Variants in CHCHD3 observed in about 807,000 individuals in gnomAD.
CHCHD3 encodes the protein coiled-coil-helix-coiled-coil-helix domain containing 3, also known as MICOS complex subunit MIC19.
CHCHD3 carries 20 observed loss-of-function variants against 38.2 expected under a neutral mutation model. The observed-to-expected ratio is 0.52, with a 90% CI of 0.37 to 0.76. The LOEUF (loss-of-function observed/expected upper bound fraction) is 0.76, where lower values mean the gene tolerates loss of function less well. Ranked by LOEUF, CHCHD3 falls within the 30% of genes least tolerant of loss-of-function variation. The pLI is 0.00. For synonymous variants in CHCHD3, 82 were observed against 100.0 expected, an observed-to-expected ratio of 0.82 and a Z score of 1.07; for missense variants, 245 against 279.2, an observed-to-expected ratio of 0.88 and a Z score of 0.87.
At position 133,034,950 on chromosome 7, in the gene CHCHD3, G is replaced by A. The variant is rs751172341; in HGVS notation, c.170-10323C>T. On this transcript the variant is annotated intron_variant, in intron 2 of 7. Coordinates refer to ENST00000262570, the MANE Select transcript of CHCHD3 (RefSeq NM_017812.4). ...GAGTTCTTCAGGGAAGCGATACTCT[G>A]AGTACCACAGGGACCAGCCGTCCTT... 9 of 1,601,094 alleles carry A rather than the reference G, an allele frequency of 5.6e-6. No individual in the cohort carries two copies. The African/African-American group carries it at 9.4e-5, about 17-fold the overall frequency.
At chr7:133,010,153 G>C (rs1287597939) in intron 3 of CHCHD3, among the ~76,000 whole-genome samples, 1 of 152,200 alleles carries the variant, frequency 6.6e-6, no homozygotes, top group Non-Finnish European at 1.5e-5. Flanking sequence ...CCTGTTGTCA[G>C]GTCAAGGTAC....
intron 5 of CHCHD3, among the ~76,000 whole-genome samples, chr7:132,876,703 G>C (rs1808923452): frequency 6.6e-6 from 1 of 152,160 alleles, no homozygotes. Context: ...TCACTGCAAA[G>C]CACAGTAGTC....
chr7:132,789,409 C>T (rs552361570), intron 7 of CHCHD3, among the ~76,000 whole-genome samples: 1 of 152,298 alleles, frequency 6.6e-6, no homozygotes, highest in South Asian at 2.1e-4. Context: ...GAACACTGCT[C>T]TTTTCCCAAG....
chr7:133,029,951 T>G (rs1309499324), intron 2 of CHCHD3, among the ~76,000 whole-genome samples: 2 of 152,010 alleles, frequency 1.3e-5, no homozygotes, highest in Non-Finnish European at 2.9e-5. Flanking sequence ...ACATCACTTT[T>G]GGTCCATAAA....
At chr7:132,965,065 G>GTGTGTGTGTA (rs1811424900) in intron 4 of CHCHD3, among the ~76,000 whole-genome samples, 1 of 146,954 alleles carries the variant, frequency 6.8e-6, no homozygotes, top group Admixed American at 6.6e-5. Flanking sequence ...TTTTATGTGT[G>GTGTGTGTGTA]TGTGTGTGTG....
At position 132,802,765 on chromosome 7, in the gene CHCHD3, T is replaced by C. The variant is rs1806824849; in HGVS notation, c.525-6188A>G. Among the ~76,000 whole-genome samples the C allele has an allele frequency of 2.6e-5, 4 of 152,330 alleles. No homozygotes were observed. The South Asian group carries it at 6.2e-4, about 24-fold the overall frequency. On this transcript the variant is annotated intron_variant, in intron 6 of 7. Transcript: ENST00000262570. ...GAGTTTGGTGACTCAACATAACTGATGGCAACATGAACTCAATCTGGAAGG... is the reference window on the plus strand; with the variant it reads ...GAGTTTGGTGACTCAACATAACTGACGGCAACATGAACTCAATCTGGAAGG...
chr7:132,902,845 G>A (rs538827214), intron 4 of CHCHD3, among the ~76,000 whole-genome samples: 1 of 152,150 alleles, frequency 6.6e-6, no homozygotes, highest in East Asian at 1.9e-4. Context: ...AATAAAAAAA[G>A]ACTTAGCTTG....
intron 2 of CHCHD3, among the ~76,000 whole-genome samples, chr7:133,033,883 G>A (rs958407468): frequency 1.3e-5 from 2 of 151,996 alleles, no homozygotes; most frequent in Non-Finnish European, 2.9e-5. Flanking sequence ...AGGGATGAGG[G>A]CTCCATTATT....
chr7:133,002,023 C>T (rs1812587818), intron 3 of CHCHD3, among the ~76,000 whole-genome samples: 2 of 152,080 alleles, frequency 1.3e-5, no homozygotes, highest in Non-Finnish European at 2.9e-5. Context: ...CTCCACCTGA[C>T]AGAGGAGGTA....
At chr7:132,975,919 T>C (rs1718779185) in intron 3 of CHCHD3, among the ~76,000 whole-genome samples, 1 of 108,226 alleles carries the variant, frequency 9.2e-6, no homozygotes, top group Non-Finnish European at 1.9e-5. Flanking sequence ...CGAATGAGAC[T>C]CCGTTTAAAA....
intron 4 of CHCHD3, among the ~76,000 whole-genome samples, chr7:132,899,325 A>G (rs1285380733): frequency 6.6e-6 from 1 of 152,166 alleles, no homozygotes; most frequent in East Asian, 1.9e-4. Flanking sequence ...CAGCTCTGGG[A>G]AAATCTTAGC....
intron 2 of CHCHD3, among the ~76,000 whole-genome samples, chr7:133,062,047 G>A (rs1814533556): frequency 6.6e-6 from 1 of 152,120 alleles, no homozygotes; most frequent in Non-Finnish European, 1.5e-5. Context: ...AGGGAGGCAG[G>A]AGAGGGTAAA....
At chr7:133,012,970 G>A (rs1191986521) in intron 3 of CHCHD3, among the ~76,000 whole-genome samples, 1 of 151,786 alleles carries the variant, frequency 6.6e-6, no homozygotes, top group Non-Finnish European at 1.5e-5. Flanking sequence ...TGGATCACCT[G>A]GGGTCAGGAG....
chr7:132,891,411 C>A (rs1809356633), intron 4 of CHCHD3, among the ~76,000 whole-genome samples: 1 of 152,154 alleles, frequency 6.6e-6, no homozygotes, highest in Non-Finnish European at 1.5e-5. Flanking sequence ...CTGATGTCCA[C>A]TAACACTATA....
intron 3 of CHCHD3, among the ~76,000 whole-genome samples, chr7:133,019,851 G>C (rs898329995): frequency 1.3e-5 from 2 of 152,112 alleles, no homozygotes; most frequent in African/African-American, 4.8e-5. Flanking sequence ...TTGGAGGTAG[G>C]GCACAGAGGA....
chr7:133,060,237 A>G (rs995577422), intron 2 of CHCHD3, among the ~76,000 whole-genome samples: 1 of 152,194 alleles, frequency 6.6e-6, no homozygotes, highest in Non-Finnish European at 1.5e-5. Context: ...ACACAGTTCT[A>G]TAACGGCCTT....
At chr7:132,786,458 T>C (rs1314006740) in intron 7 of CHCHD3, among the ~76,000 whole-genome samples, 1 of 152,156 alleles carries the variant, frequency 6.6e-6, no homozygotes, top group African/African-American at 2.4e-5. Context: ...AGTTATTTAT[T>C]TGGGAGATGA....
intron 4 of CHCHD3, among the ~76,000 whole-genome samples, chr7:132,942,843 G>A (rs951946378): frequency 5.9e-5 from 9 of 152,162 alleles, no homozygotes; most frequent in Non-Finnish European, 7.3e-5. Context: ...ATAAACTAAC[G>A]TGGTTTGTTA....
At chr7:132,845,497 G>A (rs1808055669) in intron 5 of CHCHD3, among the ~76,000 whole-genome samples, 1 of 152,070 alleles carries the variant, frequency 6.6e-6, no homozygotes, top group Non-Finnish European at 1.5e-5. Flanking sequence ...GACAATAGTG[G>A]ACCAGTGTCA....
Sources: allele counts gnomAD v4.1 joint callset (sites outside exome capture counted in the v4.1 genomes callset), GRCh38; gene constraint gnomAD v4.1.1; transcripts MANE v1.5; gene names NCBI Gene and HGNC (gene_info 2026-07-23, HGNC 2026-07-21).